PFKFB3: variants seen among roughly 807,000 people sequenced by gnomAD.
The protein encoded by PFKFB3 is 6-phosphofructo-2-kinase/fructose-2,6-bisphosphatase 3.
In PFKFB3, 33 loss-of-function variants were observed where a neutral mutation model predicts 68.0. That is an observed-to-expected ratio of 0.49 (90% CI 0.37 to 0.65). The LOEUF is 0.65. Among genes scored for constraint, PFKFB3 ranks in the 30% least tolerant of loss-of-function variants. PFKFB3 has a pLI of 0.00. For missense variants in PFKFB3, 586 were observed against 712.2 expected, an observed-to-expected ratio of 0.82 and a Z score of 2.02; for synonymous variants, 315 against 288.2, an observed-to-expected ratio of 1.09 and a Z score of -0.94.
At chr10:6,160,048 C>T (rs1415554387) in intron 1 of PFKFB3, among the ~76,000 whole-genome samples, 1 of 151,318 alleles carries the variant, frequency 6.6e-6, no homozygotes, top group Non-Finnish European at 1.5e-5. Flanking sequence ...CATGAGCTAC[C>T]ATGCCCGGCC....
At chr10:6,268,157 G>T in the PFKFB3 span, among the ~76,000 whole-genome samples, 56 of 152,070 alleles carry the variant, frequency 3.7e-4, no homozygotes, top group African/African-American at 1.3e-3. Context: ...CCCTAAGGTG[G>T]TTATGTTGAG....
intron 14 of PFKFB3, among the ~76,000 whole-genome samples, chr10:6,250,488 A>G (rs185533216): frequency 0.021 from 3,196 of 151,722 alleles, 33 homozygotes; most frequent in African/African-American, 0.027. Flanking sequence ...GGAGAATGGC[A>G]TGAACCTGGG....
chr10:6,169,636 A>C (rs1842246174), intron 1 of PFKFB3, among the ~76,000 whole-genome samples: 1 of 152,278 alleles, frequency 6.6e-6, no homozygotes, highest in African/African-American at 2.4e-5. Flanking sequence ...TGCGTCCAGT[A>C]CTGCTTAAGA....
At chr10:6,163,218 G>A (rs1243536115) in intron 1 of PFKFB3, among the ~76,000 whole-genome samples, 2 of 152,280 alleles carry the variant, frequency 1.3e-5, no homozygotes, top group Middle Eastern at 3.4e-3. Flanking sequence ...ATGCAGAGGT[G>A]GGGGCCAAGA....
rs1199437874 is a variant in PFKFB3 at position 6,228,228 on chromosome 10, T to G, written c.1515+1863T>G. The G allele has an allele frequency of 1.9e-6, 3 of 1,612,548 alleles. No individual in the cohort carries two copies. The African/African-American group carries it at 4.0e-5, about 22-fold the overall frequency. ...TAGGGCAAGCCTGTCTGTAAGTATCTCTCCGATCATCGCTGCTGCTTGCAC... is the reference window on the plus strand; with the variant it reads ...TAGGGCAAGCCTGTCTGTAAGTATCGCTCCGATCATCGCTGCTGCTTGCAC... On this transcript the variant is annotated intron_variant, in intron 14 of 14. Transcript: ENST00000379775. This position sits in a 1 kb window ranked among gnomAD's most constrained non-coding sequence, Gnocchi z 4.5.
intron 8 of PFKFB3, among the ~76,000 whole-genome samples, 178 bp downstream of exon 8, chr10:6,221,043 A>ATCTC (rs1844922550): frequency 3.7e-5 from 1 of 26,886 alleles, no homozygotes; most frequent in Non-Finnish European, 1.9e-4. Flanking sequence ...GCATCTCTGT[A>ATCTC]TGGCTCTGTG....
chr10:6,303,157 C>T, the PFKFB3 span, among the ~76,000 whole-genome samples: 1 of 152,236 alleles, frequency 6.6e-6, no homozygotes, highest in East Asian at 1.9e-4. Context: ...ACCCTAAACT[C>T]TTTTATGATT....
rs200961132 is a variant in PFKFB3 at position 6,219,481 on chromosome 10, C to T, written c.499-88C>T. ...ATCTTTATACTGAGCCTTCTGTGCG[C>T]TCCCCTTTTGAAAGCCCCAAATCCT... On this transcript the variant is annotated intron_variant, in intron 6 of 14. Transcript: ENST00000379775. 4.2e-4 allele frequency: 604 copies of T among 1,428,214 alleles called. 1 individual carries two copies. Among genetic ancestry groups the T allele is most frequent in the Non-Finnish European group, 5.6e-4 (572 of 1,013,448 alleles). The allele number at this position is 1,428,214 out of a possible 1,614,324, so 88.5% of individuals were successfully genotyped here.
chr10:6,210,040 C>G (rs11257299), intron 1 of PFKFB3, among the ~76,000 whole-genome samples: 2 of 124,550 alleles, frequency 1.6e-5, no homozygotes, highest in South Asian at 2.9e-4. Context: ...GCGTGAGCCA[C>G]CGTGCCCGGC....
rs377536903 is a variant in PFKFB3 at position 6,188,888 on chromosome 10, G to A, written c.17-24735G>A. Among the ~76,000 whole-genome samples the A allele has an allele frequency of 8.6e-4, 124 of 144,652 alleles. 1 individual carries two copies. The highest frequency in any genetic ancestry group is 3.0e-3 in the African/African-American group (118 of 38,866). The allele number at this position is 144,652 out of a possible 152,430, so 94.9% of individuals were successfully genotyped here. A position where few individuals can be genotyped will look rare whatever the true frequency, so the allele number is the denominator to read the frequency against. ...CTCGCTCTGTCCCCCAGGCTGGAGTGCAGTGGCGCGATCTCGGCTCACTGC... is the reference window on the plus strand; with the variant it reads ...CTCGCTCTGTCCCCCAGGCTGGAGTACAGTGGCGCGATCTCGGCTCACTGC... On this transcript the variant is annotated intron_variant, in intron 1 of 14. Coordinates refer to the PFKFB3 transcript ENST00000379789.
the PFKFB3 span, among the ~76,000 whole-genome samples, chr10:6,291,659 T>A: frequency 2.2e-4 from 33 of 152,338 alleles, no homozygotes; most frequent in East Asian, 6.2e-3. Flanking sequence ...CATTATGCAT[T>A]GACTAGAAAA....
At chr10:6,248,523 G>A (rs1165325047) in intron 14 of PFKFB3, among the ~76,000 whole-genome samples, 1 of 151,446 alleles carries the variant, frequency 6.6e-6, no homozygotes, top group African/African-American at 2.4e-5. Flanking sequence ...CAGCTACTCG[G>A]GAGGCTGAGG....
chr10:6,247,257 A>G (rs1846281518), intron 14 of PFKFB3, among the ~76,000 whole-genome samples: 1 of 152,246 alleles, frequency 6.6e-6, no homozygotes. Context: ...TGTCAGCTAA[A>G]TGAAATAGAG....
At chr10:6,265,167 A>G in the PFKFB3 span, among the ~76,000 whole-genome samples, 2 of 136,174 alleles carry the variant, frequency 1.5e-5, no homozygotes, top group Non-Finnish European at 3.1e-5. Flanking sequence ...TGCAACCTCC[A>G]CCTCCCGGGT....
chr10:6,283,658 T>C, the PFKFB3 span, among the ~76,000 whole-genome samples: 12 of 152,342 alleles, frequency 7.9e-5, no homozygotes, highest in Admixed American at 3.9e-4. Flanking sequence ...AGACCAACCT[T>C]GTTCAGTTTT....
rs3793721 is a variant in PFKFB3, at chr10:6,228,502, G to C, written c.1515+2137G>C. On this transcript the variant is annotated intron_variant, in intron 14 of 14. Coordinates refer to ENST00000379775, the MANE Select transcript of PFKFB3 (RefSeq NM_004566.4). This position sits in a 1 kb window ranked among gnomAD's most constrained non-coding sequence, Gnocchi z 4.5. The stretch of plus-strand genomic sequence containing the variant: ...CCCTCTCAGGGCTGCAGGTCGTGGT[G>C]TGTAATGGCCGTGGTTTAGGGCTCG... Among the ~76,000 whole-genome samples the C allele has an allele frequency of 6.6e-6, 1 of 151,802 alleles. No individual in the cohort carries two copies. The highest frequency in any genetic ancestry group is 1.9e-4 in the East Asian group (1 of 5,146).
At chr10:6,181,288 G>C (rs1842706102) in intron 1 of PFKFB3, among the ~76,000 whole-genome samples, 1 of 152,128 alleles carries the variant, frequency 6.6e-6, no homozygotes, top group Non-Finnish European at 1.5e-5. Flanking sequence ...CAGTAGCTGG[G>C]ATTATAGTCA....
intron 1 of PFKFB3, among the ~76,000 whole-genome samples, chr10:6,196,019 T>G (rs955711603): frequency 1.3e-5 from 2 of 152,190 alleles, no homozygotes; most frequent in South Asian, 2.1e-4. Context: ...CTCCTTCCTC[T>G]TTTGCTTTCA....
At chr10:6,231,464 CTG>C in intron 14 of PFKFB3, 1 of 1,470,510 alleles carries the variant, frequency 6.8e-7, no homozygotes. Context: ...CCTTTCTAGT[CTG>C]TCTCTCACCC....
Sources: gnomAD v4.1 joint callset for allele counts (sites outside exome capture counted in the v4.1 genomes callset) on GRCh38, gnomAD v4.1.1 for gene constraint, Gnocchi (gnomAD v3.1) non-coding constraint, MANE v1.5 for transcripts, NCBI Gene and HGNC (gene_info 2026-07-23, HGNC 2026-07-21) for gene names.